RGS6: variants seen among roughly 807,000 people sequenced by gnomAD.
RGS6 encodes regulator of G-protein signaling 6.
RGS6 carries 30 observed loss-of-function variants against 78.5 expected under a neutral mutation model. The ratio of observed to expected loss-of-function variants is 0.38; its 90% CI spans 0.29 to 0.52. The LOEUF (loss-of-function observed/expected upper bound fraction) is 0.52, where lower values mean the gene tolerates loss of function less well. Among genes scored for constraint, RGS6 ranks in the 20% least tolerant of loss-of-function variants. The probability of loss-of-function intolerance (pLI) is 0.85; values close to 1 mark genes in which losing one functional copy is unlikely to be tolerated. For missense variants in RGS6, 495 were observed against 609.7 expected (o/e 0.81, Z 1.98); for synonymous variants, 206 against 206.0 (o/e 1.00, Z 0.00).
intron 2 of RGS6, among the ~76,000 whole-genome samples, chr14:72,348,222 T>C (rs1348060363): frequency 6.6e-6 from 1 of 152,156 alleles, no homozygotes; most frequent in Non-Finnish European, 1.5e-5. Flanking sequence ...AAGATGAACT[T>C]TAGATTTGAT....
intron 2 of RGS6, among the ~76,000 whole-genome samples, chr14:72,165,530 T>C (rs1298844574): frequency 6.6e-6 from 1 of 152,238 alleles, no homozygotes; most frequent in Non-Finnish European, 1.5e-5. Context: ...CCTTGGGGGC[T>C]TTGCGTTTAT....
At chr14:71,912,231 G>A in the RGS6 span, among the ~76,000 whole-genome samples, 6 of 152,152 alleles carry the variant, frequency 3.9e-5, no homozygotes, top group African/African-American at 1.2e-4. Flanking sequence ...GAGTCTAATC[G>A]TGATTAGCAA....
chr14:72,464,064 C>G (rs1289630519), intron 6 of RGS6, among the ~76,000 whole-genome samples: 1 of 152,196 alleles, frequency 6.6e-6, no homozygotes, highest in Non-Finnish European at 1.5e-5. Context: ...ATCAACCGCA[C>G]TCAAAATAAA....
At chr14:72,159,989 T>C (rs1465006885) in intron 2 of RGS6, among the ~76,000 whole-genome samples, 2 of 152,244 alleles carry the variant, frequency 1.3e-5, no homozygotes, top group African/African-American at 4.8e-5. Context: ...TTTATCATAA[T>C]AAATTACAGT....
At position 72,332,927 on chromosome 14, in the gene RGS6, C is replaced by T. The variant is rs565952940; in HGVS notation, c.85-19168C>T. Reference sequence around the variant, plus strand: ...AATCCTCTCATTTTACTGAAGGAAACAGAGGCACACGGGTGCAGCGAAACC... The same window carrying T: ...AATCCTCTCATTTTACTGAAGGAAATAGAGGCACACGGGTGCAGCGAAACC... On this transcript the variant is annotated intron_variant, in intron 2 of 17. Transcript: ENST00000553525. Among the ~76,000 whole-genome samples, 9 of 152,180 alleles carry T rather than the reference C, an allele frequency of 5.9e-5. No homozygotes were observed. The East Asian group carries it at 1.7e-3, about 29-fold the overall frequency.
chr14:72,143,524 T>A (rs10132446), intron 2 of RGS6, among the ~76,000 whole-genome samples: 24,582 of 152,196 alleles, frequency 0.16, 3,516 homozygotes, highest in African/African-American at 0.38. Flanking sequence ...TGTGCTGGAA[T>A]TTAAAAGTTG....
At chr14:72,495,341 A>G (rs2096630579) in intron 13 of RGS6, 79 bp downstream of exon 13, 3 of 946,946 alleles carry the variant, frequency 3.2e-6, no homozygotes, top group Non-Finnish European at 5.2e-6. Context: ...CTTATATTCT[A>G]TCTTAATTTG....
At chr14:72,541,043 T>TACTCAATCCC (rs2097319417) in intron 17 of RGS6, 2 of 1,324,508 alleles carry the variant, frequency 1.5e-6, no homozygotes, top group African/African-American at 1.5e-5. Context: ...GCACAAGAAA[T>TACTCAATCCC]ACTCAATCCC....
chr14:72,318,615 A>C (rs1032517401), intron 2 of RGS6, among the ~76,000 whole-genome samples: 7 of 152,242 alleles, frequency 4.6e-5, no homozygotes, highest in African/African-American at 1.7e-4. Context: ...AAGCTCAGGA[A>C]GGGCTAAGAG....
intron 2 of RGS6, among the ~76,000 whole-genome samples, chr14:72,264,295 A>G (rs1490185587): frequency 6.6e-6 from 1 of 152,356 alleles, no homozygotes; most frequent in South Asian, 2.1e-4. Flanking sequence ...GAAACATTTT[A>G]ACTTAAAGCA....
intron 3 of RGS6, among the ~76,000 whole-genome samples, chr14:72,362,749 G>C (rs1207711859): frequency 9.9e-5 from 15 of 152,204 alleles, no homozygotes; most frequent in Admixed American, 9.8e-4. Context: ...CAAATTACAA[G>C]GCAAAGTCTG....
chr14:72,629,552 C>A, the RGS6 span: 1 of 1,392,924 alleles, frequency 7.2e-7, no homozygotes, highest in Non-Finnish European at 9.8e-7. Context: ...AGAGTCCTTC[C>A]TTCCTCTTCA....
the RGS6 span, chr14:72,612,418 A>G: frequency 1.9e-6 from 1 of 514,392 alleles, no homozygotes; most frequent in Non-Finnish European, 3.9e-6. Flanking sequence ...CATATCAGGC[A>G]GTGTTTCTGT....
chr14:72,036,783 ATTC>A (rs1221064770), intron 2 of RGS6, among the ~76,000 whole-genome samples: 2 of 152,060 alleles, frequency 1.3e-5, no homozygotes, highest in African/African-American at 4.8e-5. Context: ...TTGCCTTTTT[ATTC>A]TTTTAACAGT....
chr14:72,295,311 C>T (rs1231532327), intron 2 of RGS6, among the ~76,000 whole-genome samples: 1 of 151,606 alleles, frequency 6.6e-6, no homozygotes, highest in Admixed American at 6.6e-5. Context: ...AAAAAAGAAC[C>T]CTTTGTTCAA....
intron 7 of RGS6, 24 bp from the exon 8 acceptor site, chr14:72,469,983 T>G: frequency 6.4e-7 from 1 of 1,559,990 alleles, no homozygotes; most frequent in South Asian, 1.1e-5. Flanking sequence ...TAATGCCGCC[T>G]TGTTGATTTT....
chr14:72,341,269 G>C (rs548015988), intron 2 of RGS6, among the ~76,000 whole-genome samples: 1 of 152,266 alleles, frequency 6.6e-6, no homozygotes, highest in Admixed American at 6.5e-5. Context: ...AAAGATGGAA[G>C]TGCTACACAC....
intron 3 of RGS6, among the ~76,000 whole-genome samples, chr14:72,363,269 G>C (rs1326665233): frequency 6.6e-6 from 1 of 152,236 alleles, no homozygotes; most frequent in Non-Finnish European, 1.5e-5. Context: ...GTTTAAGCAG[G>C]AAGAAATGAG....
At chr14:71,919,378 C>T in the RGS6 span, among the ~76,000 whole-genome samples, 1 of 152,144 alleles carries the variant, frequency 6.6e-6, no homozygotes, top group Non-Finnish European at 1.5e-5. Context: ...ATTTAGCTCC[C>T]AGTGACGGCA....
Sources: gnomAD v4.1 joint callset for allele counts (sites outside exome capture counted in the v4.1 genomes callset) on GRCh38, gnomAD v4.1.1 for gene constraint, MANE v1.5 for transcripts, NCBI Gene and HGNC (gene_info 2026-07-23, HGNC 2026-07-21) for gene names.